Variants in LOC128071544 observed in about 807,000 individuals in gnomAD.
At chr1:147,611,677 AAAAC>A in the LOC128071544 span, 7 of 647,066 alleles carry the variant, frequency 1.1e-5, no homozygotes, top group Non-Finnish European at 1.7e-5. Flanking sequence ...ACAGCAGAGA[AAAAC>A]AAAGAGGAAA....
At chr1:147,611,733 GCAGTGGGCCAGTGC>G in the LOC128071544 span, 5 of 1,095,682 alleles carry the variant, frequency 4.6e-6, no homozygotes, top group Middle Eastern at 2.2e-4. Context: ...CACCCAGCAA[GCAGTGGGCCAGTGC>G]CACTGCCCCC....
chr1:147,611,706 G>T, the LOC128071544 span: 1 of 791,914 alleles, frequency 1.3e-6, no homozygotes, highest in Non-Finnish European at 2.1e-6. Flanking sequence ...CATACAGGCA[G>T]CGAGCGCTAA....
At chr1:147,611,651 G>C in the LOC128071544 span, 2 of 599,056 alleles carry the variant, frequency 3.3e-6, no homozygotes, top group South Asian at 4.4e-5. Context: ...GCTGCAAGGG[G>C]AAAGGACCCA....
chr1:147,611,748 C>G, the LOC128071544 span: 2 of 1,333,268 alleles, frequency 1.5e-6, no homozygotes, highest in African/African-American at 2.9e-5. Context: ...GGGCCAGTGC[C>G]ACTGCCCCCA....
chr1:147,611,597 A>G, the LOC128071544 span: 1 of 547,176 alleles, frequency 1.8e-6, no homozygotes, highest in Non-Finnish European at 3.3e-6. Context: ...GAGATGCGAG[A>G]TTTTCCTCTG....
At chr1:147,611,647 A>AG in the LOC128071544 span, 1 of 587,832 alleles carries the variant, frequency 1.7e-6, no homozygotes, top group Non-Finnish European at 3.1e-6. Context: ...TGGAGCTGCA[A>AG]GGGGAAAGGA....
chr1:147,611,768 T>A, the LOC128071544 span: 1 of 1,502,978 alleles, frequency 6.7e-7, no homozygotes, highest in East Asian at 2.3e-5. Flanking sequence ...AGCAGCTGTT[T>A]CTGCTGCAAC....
the LOC128071544 span, chr1:147,611,683 A>C: frequency 1.5e-6 from 1 of 657,298 alleles, no homozygotes; most frequent in Non-Finnish European, 2.7e-6. Context: ...GAGAAAAACA[A>C]AGAGGAAAAA....
chr1:147,611,735 A>G, the LOC128071544 span: 1 of 1,109,482 alleles, frequency 9.0e-7, no homozygotes, highest in Non-Finnish European at 1.4e-6. Context: ...CCCAGCAAGC[A>G]GTGGGCCAGT....
chr1:147,611,613 A>C, the LOC128071544 span: 1 of 558,106 alleles, frequency 1.8e-6, no homozygotes, highest in Non-Finnish European at 3.2e-6. Flanking sequence ...CTCTGGCAGC[A>C]GGAGGCACGC....
At chr1:147,611,706 G>A in the LOC128071544 span, 5 of 791,914 alleles carry the variant, frequency 6.3e-6, no homozygotes, top group East Asian at 1.2e-4. Flanking sequence ...CATACAGGCA[G>A]CGAGCGCTAA....
the LOC128071544 span, chr1:147,611,707 C>A: frequency 1.2e-6 from 1 of 801,028 alleles, no homozygotes; most frequent in Non-Finnish European, 2.1e-6. Flanking sequence ...ATACAGGCAG[C>A]GAGCGCTAAG....
chr1:147,611,789 C>G, the LOC128071544 span: 1 of 1,590,778 alleles, frequency 6.3e-7, no homozygotes, highest in African/African-American at 1.3e-5. Context: ...CCGAGAGGAA[C>G]TCGGTGAGCC....
At chr1:147,611,598 T>A in the LOC128071544 span, 1 of 546,456 alleles carries the variant, frequency 1.8e-6, no homozygotes, top group Non-Finnish European at 3.3e-6. Context: ...AGATGCGAGA[T>A]TTTCCTCTGG....
the LOC128071544 span, chr1:147,611,717 G>C: frequency 1.1e-6 from 1 of 933,378 alleles, no homozygotes; most frequent in South Asian, 1.4e-5. Context: ...CGAGCGCTAA[G>C]GGACGCACCC....
At chr1:147,611,685 G>A in the LOC128071544 span, 1 of 661,698 alleles carries the variant, frequency 1.5e-6, no homozygotes, top group Non-Finnish European at 2.7e-6. Flanking sequence ...GAAAAACAAA[G>A]AGGAAAAAGG....
At chr1:147,611,593 C>T in the LOC128071544 span, 2 of 543,190 alleles carry the variant, frequency 3.7e-6, no homozygotes, top group South Asian at 2.6e-5. Flanking sequence ...CCTGGAGATG[C>T]GAGATTTTCC....
At chr1:147,611,707 C>T in the LOC128071544 span, 11 of 800,906 alleles carry the variant, frequency 1.4e-5, no homozygotes, top group Non-Finnish European at 1.9e-5. Flanking sequence ...ATACAGGCAG[C>T]GAGCGCTAAG....
At chr1:147,611,751 T>TGGG in the LOC128071544 span, 1 of 1,369,470 alleles carries the variant, frequency 7.3e-7, no homozygotes, top group Non-Finnish European at 1.0e-6. Context: ...CCAGTGCCAC[T>TGGG]GCCCCCAGCA....
Sources: gnomAD v4.1 joint callset for allele counts on GRCh38, gnomAD v4.1.1 for gene constraint, MANE v1.5 for transcripts.